PDE4D: variants seen among roughly 807,000 people sequenced by gnomAD.
PDE4D encodes the protein phosphodiesterase 4D, also known as 3',5'-cyclic-AMP phosphodiesterase 4D.
In PDE4D, 24 loss-of-function variants were observed where a neutral mutation model predicts 87.4. The ratio of observed to expected loss-of-function variants is 0.27; its 90% CI spans 0.20 to 0.39. PDE4D has a LOEUF of 0.39. Among genes scored for constraint, PDE4D ranks in the 10% least tolerant of loss-of-function variants. PDE4D has a pLI of 1.00. For missense variants in PDE4D, 714 were observed against 1,041.0 expected, an observed-to-expected ratio of 0.69 and a Z score of 4.32; for synonymous variants, 384 against 383.2, an observed-to-expected ratio of 1.00 and a Z score of -0.02.
chr5:59,160,762 C>T (rs994156742), intron 5 of PDE4D, among the ~76,000 whole-genome samples: 7 of 152,050 alleles, frequency 4.6e-5, no homozygotes, highest in South Asian at 2.1e-4. Flanking sequence ...TAGTGGCAGG[C>T]GTAATATGCC....
chr5:60,157,168 G>A (rs916954351), intron 2 of PDE4D, among the ~76,000 whole-genome samples: 9 of 152,084 alleles, frequency 5.9e-5, no homozygotes, highest in Non-Finnish European at 7.4e-5. Flanking sequence ...TTTTGAATAT[G>A]TTTAAATCAT....
intron 2 of PDE4D, among the ~76,000 whole-genome samples, chr5:60,012,758 A>T (rs749774992): frequency 2.0e-5 from 3 of 152,216 alleles, no homozygotes; most frequent in Non-Finnish European, 2.9e-5. Context: ...AAGAAGTTAA[A>T]GATTAGATCA....
chr5:60,320,360 A>G (rs1048429641), intron 1 of PDE4D, among the ~76,000 whole-genome samples: 3 of 152,076 alleles, frequency 2.0e-5, no homozygotes, highest in Non-Finnish European at 4.4e-5. Flanking sequence ...GAGTGACCTG[A>G]TTTTCCGGAT....
chr5:58,996,447 T>C (rs747725376), intron 6 of PDE4D, among the ~76,000 whole-genome samples: 12 of 152,312 alleles, frequency 7.9e-5, no homozygotes, highest in Admixed American at 1.3e-4. Flanking sequence ...AAAGTTGCTA[T>C]TAAGAACTAC....
chr5:60,357,643 C>T (rs940590657), intron 1 of PDE4D, among the ~76,000 whole-genome samples: 2 of 152,080 alleles, frequency 1.3e-5, no homozygotes, highest in African/African-American at 4.8e-5. Flanking sequence ...TGCTACCTCT[C>T]AGTAAAGTTG....
At chr5:59,341,616 T>C (rs1157495732) in intron 1 of PDE4D, among the ~76,000 whole-genome samples, 1 of 152,204 alleles carries the variant, frequency 6.6e-6, no homozygotes, top group South Asian at 2.1e-4. Context: ...TATGTATGTA[T>C]ATATAATGCG....
intron 1 of PDE4D, among the ~76,000 whole-genome samples, chr5:60,447,861 A>C (rs374324000): frequency 2.6e-5 from 4 of 152,178 alleles, no homozygotes; most frequent in Non-Finnish European, 5.9e-5. Context: ...AATTACCGTT[A>C]CTATACTAGG....
intron 1 of PDE4D, among the ~76,000 whole-genome samples, chr5:59,427,921 T>A (rs1473018292): frequency 6.6e-6 from 1 of 151,794 alleles, no homozygotes; most frequent in African/African-American, 2.4e-5. Context: ...AGTGGGACAG[T>A]ACAATTTACA....
At chr5:59,886,616 AT>A (rs2152750003) in intron 1 of PDE4D, among the ~76,000 whole-genome samples, 1 of 152,348 alleles carries the variant, frequency 6.6e-6, no homozygotes, top group South Asian at 2.1e-4. Context: ...AAAGATATTC[AT>A]GAGTTTTCTG....
At chr5:59,413,770 C>T (rs1384366026) in intron 1 of PDE4D, among the ~76,000 whole-genome samples, 1 of 152,138 alleles carries the variant, frequency 6.6e-6, no homozygotes, top group Non-Finnish European at 1.5e-5. Flanking sequence ...TTGGGAAGGA[C>T]TCAAACTCTT....
At chr5:60,162,467 A>G (rs900174839) in intron 2 of PDE4D, among the ~76,000 whole-genome samples, 3 of 152,096 alleles carry the variant, frequency 2.0e-5, no homozygotes, top group African/African-American at 7.2e-5. Flanking sequence ...TTGTTGTTAC[A>G]TCATTTGAGT....
chr5:59,828,698 C>T (rs1286350671), intron 1 of PDE4D, among the ~76,000 whole-genome samples: 20 of 152,176 alleles, frequency 1.3e-4, no homozygotes, highest in Non-Finnish European at 1.9e-4. Context: ...AAATATTGGC[C>T]TGACCCCATT....
At chr5:60,033,419 T>A (rs527392803) in intron 2 of PDE4D, among the ~76,000 whole-genome samples, 193 of 152,244 alleles carry the variant, frequency 1.3e-3, no homozygotes, top group African/African-American at 4.4e-3. Context: ...AAAGAGGATG[T>A]TTTGGTTATC....
chr5:60,270,381 T>C (rs778930177), intron 1 of PDE4D, among the ~76,000 whole-genome samples: 1 of 152,220 alleles, frequency 6.6e-6, no homozygotes, highest in African/African-American at 2.4e-5. Flanking sequence ...AATTAGTTAT[T>C]AATAATGATA....
chr5:59,241,257 A>G (rs1216030397), intron 1 of PDE4D, among the ~76,000 whole-genome samples: 3 of 152,126 alleles, frequency 2.0e-5, no homozygotes, highest in Non-Finnish European at 4.4e-5. Context: ...TAGGTCTGCT[A>G]CCCTGCCTGG....
chr5:60,290,001 G>A (rs1196999546), intron 1 of PDE4D, among the ~76,000 whole-genome samples: 1 of 152,174 alleles, frequency 6.6e-6, no homozygotes, highest in African/African-American at 2.4e-5. Flanking sequence ...AGTAATTTAT[G>A]GATGAGGATG....
chr5:59,312,924 A>T (rs566126791), intron 1 of PDE4D, among the ~76,000 whole-genome samples: 1 of 152,072 alleles, frequency 6.6e-6, no homozygotes, highest in Non-Finnish European at 1.5e-5. Context: ...TGGAGAAGGA[A>T]TTTTCCAAAT....
Position 60,470,281 on chromosome 5 carries a change from C to T in PDE4D, c.-90+17661G>A, listed in dbSNP as rs1418086635. ...GAAGATGTAGAAGAAAAGTTTGAAG[C>T]TAACAGAGATTGATTCATGAAGTTT... On this transcript the variant is annotated intron_variant, in intron 1 of 16. Transcript: ENST00000502484. 2.0e-5 allele frequency among the ~76,000 whole-genome samples: 3 copies of T among 152,112 alleles called. No homozygotes were observed. In the East Asian group the frequency reaches 5.8e-4, roughly 29 times the overall value.
intron 5 of PDE4D, among the ~76,000 whole-genome samples, chr5:59,083,873 T>C (rs748211045): frequency 3.9e-5 from 6 of 152,114 alleles, no homozygotes; most frequent in African/African-American, 7.2e-5. Flanking sequence ...ATATTTGTAA[T>C]TTAAGAACTA....
Sources: gnomAD v4.1 joint callset for allele counts (sites outside exome capture counted in the v4.1 genomes callset) on GRCh38, gnomAD v4.1.1 for gene constraint, MANE v1.5 for transcripts, NCBI Gene and HGNC (gene_info 2026-07-23, HGNC 2026-07-21) for gene names.